The following ARHGEF4 variants were observed in gnomAD, a reference collection of about 807,000 sequenced individuals.
ARHGEF4 encodes APC-stimulated guanine nucleotide exchange factor 1.
In ARHGEF4, 119 loss-of-function variants were observed where a neutral mutation model predicts 162.0. The observed-to-expected ratio is 0.73, with a 90% CI of 0.63 to 0.86. The LOEUF (loss-of-function observed/expected upper bound fraction) is 0.86. Ranked by LOEUF, ARHGEF4 falls within the 40% of genes least tolerant of loss-of-function variation. The probability of loss-of-function intolerance (pLI) is 0.00; values close to 1 mark genes in which losing one functional copy is unlikely to be tolerated. For synonymous variants in ARHGEF4, 1,014 were observed against 979.9 expected, an observed-to-expected ratio of 1.03 and a Z score of -0.65; for missense variants, 2,488 against 2,456.0, an observed-to-expected ratio of 1.01 and a Z score of -0.28.
chr2:130,837,099 C>G (rs1000031829), intron 1 of ARHGEF4, 107 bp downstream of exon 1: 1 of 1,080,200 alleles, frequency 9.3e-7, no homozygotes, highest in Non-Finnish European at 1.2e-6. Context: ...CCCCTGGGCA[C>G]CCGGTGGGTG....
chr2:130,919,673 C>T (rs935831158), intron 2 of ARHGEF4, among the ~76,000 whole-genome samples: 7 of 152,006 alleles, frequency 4.6e-5, no homozygotes, highest in Admixed American at 6.5e-5. Flanking sequence ...GTCAGAAGTT[C>T]GAGACCAGCC....
Position 130,951,274 on chromosome 2 carries a change from G to C in ARHGEF4, c.3985+4639G>C, listed in dbSNP as rs117030973. On this transcript the variant is annotated intron_variant, in intron 4 of 13. Transcript: ENST00000409359. The stretch of plus-strand genomic sequence containing the variant: ...CTTTCAGAACTTGGCTGTTTGGCTT[G>C]AGAGGCCTAGCTTCTGGGCCATCTT... 1.9e-3 allele frequency among the ~76,000 whole-genome samples: 285 copies of C among 152,312 alleles called. 3 individuals are homozygous for C. The highest frequency in any genetic ancestry group is 6.5e-3 in the African/African-American group (272 of 41,570).
chr2:130,930,828 A>G, intron 2 of ARHGEF4, 124 bp from the exon 3 acceptor site: 1 of 865,152 alleles, frequency 1.2e-6, no homozygotes, highest in Non-Finnish European at 1.7e-6. Context: ...TGGACTCTGT[A>G]CTTTGAAAAT....
chr2:130,995,236 C>T (rs1687299514), intron 4 of ARHGEF4, among the ~76,000 whole-genome samples: 1 of 152,202 alleles, frequency 6.6e-6, no homozygotes, highest in African/African-American at 2.4e-5. Context: ...TTGTCTCTGT[C>T]TGTTTTTCTC....
chr2:130,969,308 CAT>C (rs908619296), intron 4 of ARHGEF4, among the ~76,000 whole-genome samples: 17 of 152,230 alleles, frequency 1.1e-4, no homozygotes, highest in African/African-American at 4.1e-4. Context: ...GTCAAAAAAT[CAT>C]ATGTCAGCCG....
intron 4 of ARHGEF4, among the ~76,000 whole-genome samples, chr2:131,019,575 C>T (rs1272534279): frequency 1.3e-5 from 2 of 151,736 alleles, no homozygotes; most frequent in East Asian, 1.9e-4. Context: ...TTTTATTCTA[C>T]ACATCTTTGG....
Position 131,040,246 on chromosome 2 carries a change from C to A in ARHGEF4, c.4483-15C>A. 1 of 1,611,402 alleles carries A rather than the reference C, an allele frequency of 6.2e-7. No homozygotes were observed. The highest frequency in any genetic ancestry group is 8.5e-7 in the Non-Finnish European group (1 of 1,178,968). On this transcript the variant is annotated splice_polypyrimidine_tract_variant and intron_variant, in intron 7 of 13. Coordinates refer to ENST00000409359, the MANE Select transcript of ARHGEF4 (RefSeq NM_001367493.1). ...GGGACCCGGTCGGGGGAGGCCTAAC[C>A]ACGTCCGCCCGCAGGGCTACGTCCG...
Position 131,041,371 on chromosome 2 carries a change from C to T in ARHGEF4, c.4804C>T (p.Leu1602=). The change falls in exon 9 of 14, where the codon CTG becomes TTG. Residue 1602 remains leucine (L), a synonymous_variant. Coordinates refer to ENST00000409359, the MANE Select transcript of ARHGEF4 (RefSeq NM_001367493.1). ...GCTGCAGAAGATGATTGACATCTCCCTGGATGGCTTCCTGCTGACTCCGGT... is the reference window on the plus strand; with the variant it reads ...GCTGCAGAAGATGATTGACATCTCCTTGGATGGCTTCCTGCTGACTCCGGT... The part of the protein sequence containing the change: ...RLLQKMIDIS[L]DGFLLTPVQK... The T allele has an allele frequency of 6.2e-7, 1 of 1,613,550 alleles. No individual in the cohort carries two copies. The highest frequency in any genetic ancestry group is 8.5e-7 in the Non-Finnish European group (1 of 1,180,030).
At chr2:130,899,563 G>A (rs1680366293) in intron 1 of ARHGEF4, among the ~76,000 whole-genome samples, 1 of 152,224 alleles carries the variant, frequency 6.6e-6, no homozygotes, top group Non-Finnish European at 1.5e-5. Context: ...GGGAGCCAGA[G>A]GGACAAAGCA....
intron 5 of ARHGEF4, chr2:131,035,126 C>T (rs1690152191): frequency 8.5e-6 from 10 of 1,170,250 alleles, no homozygotes; most frequent in Non-Finnish European, 1.1e-5. Context: ...CGCGGCCCCG[C>T]GGCGCCCGGG....
intron 4 of ARHGEF4, among the ~76,000 whole-genome samples, chr2:130,974,086 A>G (rs996190576): frequency 2.6e-5 from 4 of 151,714 alleles, no homozygotes; most frequent in African/African-American, 9.7e-5. Context: ...CCTGGGCAAC[A>G]TGGCAAAACC....
At chr2:130,901,713 G>A (rs1680500340) in intron 1 of ARHGEF4, among the ~76,000 whole-genome samples, 1 of 152,032 alleles carries the variant, frequency 6.6e-6, no homozygotes, top group African/African-American at 2.4e-5. Flanking sequence ...TAGAGATGGG[G>A]TTTCGCCATG....
At chr2:130,876,347 C>T (rs768092353) in intron 1 of ARHGEF4, among the ~76,000 whole-genome samples, 6 of 152,172 alleles carry the variant, frequency 3.9e-5, no homozygotes, top group Non-Finnish European at 8.8e-5. Flanking sequence ...ACTTAGAGAA[C>T]GCTTTCTGTG....
intron 4 of ARHGEF4, among the ~76,000 whole-genome samples, chr2:130,988,897 TATATAGAG>T (rs1221095998): frequency 0.023 from 2,512 of 110,782 alleles, 20 homozygotes; most frequent in East Asian, 0.052. Context: ...TATATATATA[TATATAGAG>T]AGAGAGAGAG....
chr2:130,904,087 A>T (rs1574197991), intron 1 of ARHGEF4, among the ~76,000 whole-genome samples: 1 of 152,106 alleles, frequency 6.6e-6, no homozygotes, highest in Non-Finnish European at 1.5e-5. Flanking sequence ...TGTTTGAGAA[A>T]TCTCCAAACT....
chr2:130,844,780 C>T (rs908624968), intron 1 of ARHGEF4, among the ~76,000 whole-genome samples: 6 of 151,844 alleles, frequency 4.0e-5, no homozygotes, highest in African/African-American at 9.7e-5. Context: ...AGCTATCCCC[C>T]GCCAACCTCT....
At position 130,914,129 on chromosome 2, in the gene ARHGEF4, A is replaced by C. The variant is rs1392767030; in HGVS notation, c.183A>C (p.Glu61Asp). ...DDSETLSQQS[E>D]SGSDTKTDPF... ...CTGAAACGCTGTCCCAGCAGAGTGA[A>C]AGTGGATCAGACACAAAAACTGACC... Residue 61 changes from glutamate (E) to aspartate (D), a missense_variant, in exon 2 of 14, where the codon GAA becomes GAC. Physicochemically the swap from Glu to Asp is conservative, Grantham distance 45. Coordinates refer to ENST00000409359, the MANE Select transcript of ARHGEF4 (RefSeq NM_001367493.1). 1 of 1,536,156 alleles carries C rather than the reference A, an allele frequency of 6.5e-7. No individual in the cohort carries two copies. Among genetic ancestry groups the C allele is most frequent in the East Asian group, 2.4e-5 (1 of 40,910 alleles).
chr2:130,877,645 G>T (rs1293646430), intron 1 of ARHGEF4, among the ~76,000 whole-genome samples: 1 of 152,124 alleles, frequency 6.6e-6, no homozygotes, highest in East Asian at 1.9e-4. Context: ...CCGAGACTCT[G>T]TCTCAAAAGA....
Position 130,914,190 on chromosome 2 carries a change from G to A in ARHGEF4, c.244G>A (p.Gly82Arg), listed in dbSNP as rs1183459843. ...ESASDTESLS[G>R]YLPRGVFHPL... ...TGCCTCTGACACAGAGTCCTTGTCT[G>A]GGTACCTCCCGAGGGGAGTCTTCCA... Residue 82 changes from glycine to arginine, a missense_variant, in exon 2 of 14, where the codon GGG (glycine) becomes AGG (arginine). Gly to Arg is a moderately radical substitution (Grantham distance 125). Around this residue, in one of 6 missense-constraint regions of ARHGEF4, gnomAD observed 171 missense variants for 169.4 expected, o/e 1.01. Transcript: ENST00000409359. 3 of 1,536,062 alleles carry A rather than the reference G, an allele frequency of 2.0e-6. No individual in the cohort carries two copies. The highest frequency in any genetic ancestry group is 2.6e-6 in the Non-Finnish European group (3 of 1,146,882).
Sources: allele counts gnomAD v4.1 joint callset (sites outside exome capture counted in the v4.1 genomes callset), GRCh38; gene constraint gnomAD v4.1.1; regional missense constraint gnomAD v4.1.1; transcripts MANE v1.5; gene names NCBI Gene and HGNC (gene_info 2026-07-23, HGNC 2026-07-21).